BCAS3: variants seen among roughly 807,000 people sequenced by gnomAD.
The protein encoded by BCAS3 is BCAS4/BCAS3 fusion.
A neutral mutation model predicts 116.1 loss-of-function variants in BCAS3; 53 were observed. That is an observed-to-expected ratio of 0.46 (90% CI 0.37 to 0.57). BCAS3 has a LOEUF of 0.57. Among genes scored for constraint, BCAS3 ranks in the 20% least tolerant of loss-of-function variants. BCAS3 has a pLI of 0.00. For synonymous variants in BCAS3, 391 were observed against 408.2 expected, an observed-to-expected ratio of 0.96 and a Z score of 0.51; for missense variants, 917 against 1,165.4, an observed-to-expected ratio of 0.79 and a Z score of 3.10.
In BCAS3 at chr17:61,219,260, A is replaced by G. The variant is rs566687933; in HGVS notation, c.2425+134696A>G. On this transcript the variant is annotated intron_variant, in intron 22 of 23. Coordinates refer to ENST00000407086, the MANE Select transcript of BCAS3 (RefSeq NM_017679.5). The surrounding 1 kb of genome is among the most constrained non-coding windows in gnomAD (Gnocchi z 5.2). Reference sequence around the variant, plus strand: ...CTCTGAGAAAGATCCTTGTCCAGAAATCCTGTGTCTCAGTGGTACCCAGCG... The same window carrying G: ...CTCTGAGAAAGATCCTTGTCCAGAAGTCCTGTGTCTCAGTGGTACCCAGCG... 1.3e-5 allele frequency among the ~76,000 whole-genome samples: 2 copies of G among 152,068 alleles called. No homozygotes were observed. Among genetic ancestry groups the G allele is most frequent in the Non-Finnish European group, 2.9e-5 (2 of 68,022 alleles).
intron 22 of BCAS3, among the ~76,000 whole-genome samples, chr17:61,267,971 A>G (rs2049898350): frequency 6.6e-6 from 1 of 152,048 alleles, no homozygotes. Flanking sequence ...ACTGGGTCAC[A>G]TATCTCTTGA....
chr17:61,331,892 C>G (rs1011840077), intron 22 of BCAS3, among the ~76,000 whole-genome samples: 6 of 152,126 alleles, frequency 3.9e-5, no homozygotes, highest in Admixed American at 3.9e-4. Context: ...CCAGGGCTGG[C>G]AAGAGCTTTA....
In BCAS3 at chr17:61,346,117, T is replaced by C. The variant is rs936581490; in HGVS notation, c.2426-22210T>C. On this transcript the variant is annotated intron_variant, in intron 22 of 23. Coordinates refer to ENST00000407086, the MANE Select transcript of BCAS3 (RefSeq NM_017679.5). The surrounding 1 kb of genome is among the most constrained non-coding windows in gnomAD (Gnocchi z 5.4). Reference sequence around the variant, plus strand: ...GAAGGTAACAGCGGGGTAGGTGCCATAATCCTTGTTGAAGTCGAGGAGTTG... The same window carrying C: ...GAAGGTAACAGCGGGGTAGGTGCCACAATCCTTGTTGAAGTCGAGGAGTTG... Among the ~76,000 whole-genome samples the C allele has an allele frequency of 1.3e-4, 20 of 152,236 alleles. No homozygotes were observed. The highest frequency in any genetic ancestry group is 4.6e-4 in the African/African-American group (19 of 41,546).
intron 14 of BCAS3, among the ~76,000 whole-genome samples, chr17:60,951,752 T>G (rs2145265105): frequency 6.7e-6 from 1 of 150,108 alleles, no homozygotes; most frequent in South Asian, 2.1e-4. Flanking sequence ...GTCTTGGCAT[T>G]TTCTTTTCTT....
intron 22 of BCAS3, among the ~76,000 whole-genome samples, chr17:61,110,571 G>T (rs1242210235): frequency 1.3e-5 from 2 of 152,238 alleles, no homozygotes; most frequent in African/African-American, 4.8e-5. Context: ...ATTATATCCC[G>T]CACCTGGCTG....
intron 6 of BCAS3, among the ~76,000 whole-genome samples, chr17:60,790,745 T>G (rs2046693088): frequency 6.8e-6 from 1 of 147,270 alleles, no homozygotes; most frequent in Non-Finnish European, 1.5e-5. Context: ...TGTAGGTTTT[T>G]TTTTTTTTTT....
Position 61,325,789 on chromosome 17 carries a change from C to T in BCAS3, c.2426-42538C>T, listed in dbSNP as rs1460195400. ...GGAGGTGTTTTTGAAATGAGTGTCTCCATTTTTCCTGGTCTTGGTGGCAAG... is the reference window on the plus strand; with the variant it reads ...GGAGGTGTTTTTGAAATGAGTGTCTTCATTTTTCCTGGTCTTGGTGGCAAG... On this transcript the variant is annotated intron_variant, in intron 22 of 23. Transcript: ENST00000407086. The surrounding 1 kb of genome is among the most constrained non-coding windows in gnomAD (Gnocchi z 6.4). 6.6e-6 allele frequency among the ~76,000 whole-genome samples: 1 copy of T among 152,036 alleles called. No individual in the cohort carries two copies. The highest frequency in any genetic ancestry group is 1.5e-5 in the Non-Finnish European group (1 of 67,986).
Position 61,378,082 on chromosome 17 carries a change from A to G in BCAS3, c.2593+9588A>G, listed in dbSNP as rs949421812. ...GCTCAGAAAGTGTCCAGGCCTGCAC[A>G]TTGCACCCAGGCTCCTTGCCATCAT... On this transcript the variant is annotated intron_variant, in intron 23 of 23. Transcript: ENST00000407086. This position sits in a 1 kb window ranked among gnomAD's most constrained non-coding sequence, Gnocchi z 5.8. 6.6e-6 allele frequency: 1 copy of G among 152,168 alleles called. No individual in the cohort carries two copies. Among genetic ancestry groups the G allele is most frequent in the Non-Finnish European group, 1.5e-5 (1 of 68,084 alleles). 9.4% of individuals were successfully genotyped at this position (152,168 alleles called of 1,614,324 possible). A position where few individuals can be genotyped will look rare whatever the true frequency, so the allele number is the denominator to read the frequency against.
chr17:60,897,671 C>G lies in BCAS3; in HGVS notation c.739-4949C>G, dbSNP rs2057600839. ...AGATCTGTCTTCAAGTTCTGAGATT[C>G]TCCCTTTTGCCTGATGTAGTCAGTT... On this transcript the variant is annotated intron_variant, in intron 10 of 23. Transcript: ENST00000407086. Among the ~76,000 whole-genome samples, 5 of 151,940 alleles carry G rather than the reference C, an allele frequency of 3.3e-5. No individual in the cohort carries two copies. In the South Asian group the frequency reaches 1.0e-3, roughly 32 times the overall value.
chr17:61,089,156 C>A (rs1228338412), intron 22 of BCAS3, among the ~76,000 whole-genome samples: 4 of 152,034 alleles, frequency 2.6e-5, no homozygotes, highest in African/African-American at 7.2e-5. Flanking sequence ...TTAGGAGATA[C>A]CTTTTGAGCA....
chr17:61,153,526 C>T (rs4968529), intron 22 of BCAS3, among the ~76,000 whole-genome samples: 129,824 of 152,176 alleles, frequency 0.85, 59,196 homozygotes, highest in East Asian at 1. Context: ...ACCAAACCCC[C>T]AGTGTAAGGT....
chr17:60,809,677 A>G (rs917114822), intron 7 of BCAS3, among the ~76,000 whole-genome samples: 2 of 152,228 alleles, frequency 1.3e-5, no homozygotes, highest in African/African-American at 4.8e-5. Context: ...TTTGAGAGCC[A>G]TTGGCTCTTT....
chr17:61,333,507 C>T lies in BCAS3; in HGVS notation c.2426-34820C>T, dbSNP rs1020710006. ...TGGCGCCCCCGACCCTTGCCAATCC[C>T]GTGCAAACCACGCAATGTCTGCCAG... On this transcript the variant is annotated intron_variant, in intron 22 of 23. Coordinates refer to ENST00000407086, the MANE Select transcript of BCAS3 (RefSeq NM_017679.5). The surrounding 1 kb of genome is among the most constrained non-coding windows in gnomAD (Gnocchi z 4.8). Among the ~76,000 whole-genome samples the T allele has an allele frequency of 3.3e-5, 5 of 152,210 alleles. No individual in the cohort carries two copies. Among genetic ancestry groups the T allele is most frequent in the African/African-American group, 9.6e-5 (4 of 41,454 alleles).
At chr17:61,159,994 ATTT>A (rs5821306) in intron 22 of BCAS3, among the ~76,000 whole-genome samples, 2 of 147,094 alleles carry the variant, frequency 1.4e-5, no homozygotes, top group Non-Finnish European at 3.0e-5. Flanking sequence ...GGCATCTTTG[ATTT>A]TTTTTTTTTT....
At chr17:61,297,273 A>G (rs1047410773) in intron 22 of BCAS3, among the ~76,000 whole-genome samples, 11 of 152,208 alleles carry the variant, frequency 7.2e-5, no homozygotes, top group African/African-American at 1.2e-4. Context: ...AGTACCAGTC[A>G]CAGAGGAAGA....
chr17:61,361,193 T>TAA lies in BCAS3; in HGVS notation c.2426-7122_2426-7121dup, dbSNP rs755898616. 7.2e-6 allele frequency among the ~76,000 whole-genome samples: 1 copy of TAA among 138,226 alleles called. No homozygotes were observed. The highest frequency in any genetic ancestry group is 2.6e-5 in the African/African-American group (1 of 37,982). The allele number at this position is 138,226 out of a possible 152,430, so 90.7% of individuals were successfully genotyped here. ...GATTCTGCTGAGAGAGAAAAAGAAT[T>TAA]AAAAAAAAAAAAAGAAAAGACCCAG... On this transcript the variant is annotated intron_variant, in intron 22 of 23. Transcript: ENST00000407086. This position sits in a 1 kb window ranked among gnomAD's most constrained non-coding sequence, Gnocchi z 6.5.
At chr17:61,358,564 C>T (rs1340343827) in intron 22 of BCAS3, among the ~76,000 whole-genome samples, 2 of 149,362 alleles carry the variant, frequency 1.3e-5, no homozygotes, top group Non-Finnish European at 3.0e-5. Context: ...TGCAGTGCCA[C>T]GATCTTGGCA....
At chr17:60,817,141 G>A (rs1000912956) in intron 7 of BCAS3, among the ~76,000 whole-genome samples, 4 of 152,180 alleles carry the variant, frequency 2.6e-5, no homozygotes, top group African/African-American at 9.7e-5. Flanking sequence ...ATTGATGACA[G>A]TCATTAAAAT....
chr17:61,329,795 C>T (rs2056107887), intron 22 of BCAS3, among the ~76,000 whole-genome samples: 1 of 151,982 alleles, frequency 6.6e-6, no homozygotes, highest in Non-Finnish European at 1.5e-5. Flanking sequence ...CGGCGCTCAC[C>T]TCCTCCAAGC....
Sources: gnomAD v4.1 joint callset for allele counts (sites outside exome capture counted in the v4.1 genomes callset) on GRCh38, gnomAD v4.1.1 for gene constraint, Gnocchi (gnomAD v3.1) non-coding constraint, MANE v1.5 for transcripts, NCBI Gene and HGNC (gene_info 2026-07-23, HGNC 2026-07-21) for gene names.